SAE1: variants seen among roughly 807,000 people sequenced by gnomAD.
The protein encoded by SAE1 is SUMO1 activating enzyme subunit 1.
In SAE1, 11 loss-of-function variants were observed where a neutral mutation model predicts 40.6. The observed-to-expected ratio is 0.27, with a 90% CI of 0.17 to 0.45. The LOEUF (loss-of-function observed/expected upper bound fraction) is 0.45, where lower values mean the gene tolerates loss of function less well. Ranked by LOEUF, SAE1 falls within the 20% of genes least tolerant of loss-of-function variation. SAE1 has a pLI of 1.00. For missense variants in SAE1, 373 were observed against 427.3 expected (o/e 0.87, Z 1.12); for synonymous variants, 155 against 154.3 (o/e 1.00, Z -0.03).
At chr19:47,185,928 C>T (rs868500046) in intron 6 of SAE1, among the ~76,000 whole-genome samples, 2 of 150,554 alleles carry the variant, frequency 1.3e-5, no homozygotes, top group Non-Finnish European at 3.0e-5. Flanking sequence ...TTTTGAGTGC[C>T]GACATAACAC....
chr19:47,183,069 C>T (rs1224828222), intron 6 of SAE1, among the ~76,000 whole-genome samples: 1 of 152,112 alleles, frequency 6.6e-6, no homozygotes, highest in African/African-American at 2.4e-5. Context: ...GTGCCTACCA[C>T]CACGTCCGGC....
intron 8 of SAE1, among the ~76,000 whole-genome samples, chr19:47,204,361 C>T (rs1184283915): frequency 9.9e-5 from 15 of 151,546 alleles, no homozygotes; most frequent in Admixed American, 9.9e-4. Flanking sequence ...CCACGCCCAG[C>T]TAATTTTTTT....
At chr19:47,131,295 C>T (rs931662139) in intron 1 of SAE1, among the ~76,000 whole-genome samples, 1 of 152,000 alleles carries the variant, frequency 6.6e-6, no homozygotes, top group Non-Finnish European at 1.5e-5. Context: ...AGAATTCAAA[C>T]TCAGGAAATC....
chr19:47,195,107 T>C (rs1263645326), intron 6 of SAE1, among the ~76,000 whole-genome samples: 3 of 149,774 alleles, frequency 2.0e-5, no homozygotes, highest in African/African-American at 7.4e-5. Context: ...CAGGCTGGAG[T>C]TCAGTGGCAC....
chr19:47,136,603 C>T (rs2058182042), intron 1 of SAE1, among the ~76,000 whole-genome samples: 1 of 148,294 alleles, frequency 6.7e-6, no homozygotes. Context: ...TCAAGCAATT[C>T]TTCTGGTTCA....
chr19:47,177,256 G>C (rs1326251152), intron 6 of SAE1, among the ~76,000 whole-genome samples: 2 of 152,228 alleles, frequency 1.3e-5, no homozygotes, highest in Admixed American at 6.5e-5. Context: ...AATAGAATAA[G>C]TGTTCTTGCC....
chr19:47,204,187 CTTTTTTTTTTTTTTTT>C (rs57736880), intron 8 of SAE1, among the ~76,000 whole-genome samples: 1 of 82,100 alleles, frequency 1.2e-5, no homozygotes, highest in Non-Finnish European at 2.2e-5. Flanking sequence ...AAAGCCCTCC[CTTTTTTTTTTTTTTTT>C]TTTTTTTTTT....
chr19:47,155,841 A>G (rs1442187873), intron 5 of SAE1, among the ~76,000 whole-genome samples: 8 of 149,150 alleles, frequency 5.4e-5, no homozygotes, highest in Non-Finnish European at 1.2e-4. Context: ...CCCAGGTTCA[A>G]GAGATTTTCC....
chr19:47,203,430 T>TA (rs1251648656), intron 7 of SAE1, among the ~76,000 whole-genome samples: 1 of 152,184 alleles, frequency 6.6e-6, no homozygotes, highest in Non-Finnish European at 1.5e-5. Context: ...AAGGTAAAAA[T>TA]AAAAGTATTG....
Position 47,194,351 on chromosome 19 carries a change from T to C in SAE1, c.734-2882T>C, listed in dbSNP as rs150578315. Among the ~76,000 whole-genome samples the C allele has an allele frequency of 4.8e-3, 724 of 152,332 alleles. 4 individuals are homozygous for C. Among genetic ancestry groups the C allele is most frequent in the African/African-American group, 0.016 (675 of 41,586 alleles). On this transcript the variant is annotated intron_variant, in intron 6 of 8. Transcript: ENST00000270225. Reference sequence around the variant, plus strand: ...TGGGGTGGGTACCAAATACTTGTATTTTTTAAAGAGCCTCACAGCAACTTG... The same window carrying C: ...TGGGGTGGGTACCAAATACTTGTATCTTTTAAAGAGCCTCACAGCAACTTG...
intron 2 of SAE1, 110 bp downstream of exon 2, chr19:47,143,715 C>G: frequency 1.3e-6 from 1 of 768,498 alleles, no homozygotes; most frequent in Non-Finnish European, 2.2e-6. Flanking sequence ...GAAAGGAGGG[C>G]TAACATTAAT....
intron 1 of SAE1, among the ~76,000 whole-genome samples, chr19:47,137,618 C>A (rs887502208): frequency 2.6e-4 from 40 of 151,962 alleles, no homozygotes; most frequent in African/African-American, 9.4e-4. Flanking sequence ...CCGCCTCAGC[C>A]CCCAAGTAGC....
intron 6 of SAE1, among the ~76,000 whole-genome samples, chr19:47,183,257 C>T (rs927377756): frequency 6.6e-6 from 1 of 152,010 alleles, no homozygotes; most frequent in African/African-American, 2.4e-5. Context: ...ATTAAATCTT[C>T]ATGACAGCCT....
chr19:47,179,753 C>G (rs970355015), intron 6 of SAE1, among the ~76,000 whole-genome samples: 1 of 152,014 alleles, frequency 6.6e-6, no homozygotes, highest in Non-Finnish European at 1.5e-5. Flanking sequence ...TTTGTAGAGA[C>G]GGGGTTTCAC....
Position 47,182,098 on chromosome 19 carries a change from T to C in SAE1, c.733+12175T>C, listed in dbSNP as rs895052143. On this transcript the variant is annotated intron_variant, in intron 6 of 8. Transcript: ENST00000270225. ...ACTGCACCCAGCCTGTTAGATAATT[T>C]AGAAAATTTTCTTTCCTCATTCTTC... Among the ~76,000 whole-genome samples, 14 of 152,218 alleles carry C rather than the reference T, an allele frequency of 9.2e-5. No homozygotes were observed. The East Asian group carries it at 2.5e-3, about 27-fold the overall frequency.
chr19:47,180,066 C>T (rs2058496637), intron 6 of SAE1: 1 of 406,034 alleles, frequency 2.5e-6, no homozygotes, highest in Admixed American at 2.7e-5. Flanking sequence ...TCTGGATGAA[C>T]TCATGGTTTC....
At chr19:47,172,424 C>T (rs1417095392) in intron 6 of SAE1, among the ~76,000 whole-genome samples, 1 of 152,112 alleles carries the variant, frequency 6.6e-6, no homozygotes, top group Non-Finnish European at 1.5e-5. Flanking sequence ...GCTTGTTGCT[C>T]ACTGCCTCGC....
intron 6 of SAE1, among the ~76,000 whole-genome samples, chr19:47,190,345 A>T (rs556481998): frequency 7.2e-5 from 11 of 152,110 alleles, no homozygotes; most frequent in Admixed American, 6.6e-4. Flanking sequence ...CAACAGTGGT[A>T]TGTGTGCGTG....
intron 5 of SAE1, among the ~76,000 whole-genome samples, chr19:47,165,860 C>T (rs2123242896): frequency 6.6e-6 from 1 of 152,292 alleles, no homozygotes; most frequent in South Asian, 2.1e-4. Context: ...TGGGCAATCC[C>T]AGAGGCATTA....
Sources: allele counts gnomAD v4.1 joint callset (sites outside exome capture counted in the v4.1 genomes callset), GRCh38; gene constraint gnomAD v4.1.1; transcripts MANE v1.5; gene names NCBI Gene and HGNC (gene_info 2026-07-23, HGNC 2026-07-21).